Variants in FUT8 observed in about 807,000 individuals in gnomAD.
The protein encoded by FUT8 is alpha-(1,6)-fucosyltransferase.
A neutral mutation model predicts 71.3 loss-of-function variants in FUT8; 29 were observed. That is an observed-to-expected ratio of 0.41 (90% CI 0.30 to 0.55). FUT8 has a LOEUF of 0.55. Among genes scored for constraint, FUT8 ranks in the 20% least tolerant of loss-of-function variants. The pLI is 0.34. For missense variants in FUT8, 544 were observed against 702.1 expected (o/e 0.77, Z 2.55); for synonymous variants, 254 against 239.3 (o/e 1.06, Z -0.57).
chr14:65,474,283 A>G (rs2066195504), intron 2 of FUT8, among the ~76,000 whole-genome samples: 1 of 151,604 alleles, frequency 6.6e-6, no homozygotes, highest in Non-Finnish European at 1.5e-5. Context: ...TTGTACTCCA[A>G]AAGCTATTGA....
chr14:65,400,666 G>T, the FUT8 span, among the ~76,000 whole-genome samples: 1,418 of 152,248 alleles, frequency 9.3e-3, 21 homozygotes, highest in African/African-American at 0.033. Flanking sequence ...AGGGAGGATT[G>T]CTTGAGCCTA....
chr14:65,653,081 C>T (rs1322397497), intron 6 of FUT8, among the ~76,000 whole-genome samples: 1 of 152,082 alleles, frequency 6.6e-6, no homozygotes, highest in Non-Finnish European at 1.5e-5. Context: ...CCTCAGAAGT[C>T]ACATAGCATC....
At chr14:65,727,453 G>T (rs1295033360) in intron 9 of FUT8, among the ~76,000 whole-genome samples, 1 of 152,168 alleles carries the variant, frequency 6.6e-6, no homozygotes, top group African/African-American at 2.4e-5. Context: ...GCCAAGGCTT[G>T]GGGCTTCCAC....
At chr14:65,691,043 A>G (rs77949907) in intron 7 of FUT8, among the ~76,000 whole-genome samples, 1,912 of 151,238 alleles carry the variant, frequency 0.013, 33 homozygotes, top group Middle Eastern at 0.024. Context: ...ACTTTTGTAT[A>G]TCAACCTTGT....
At chr14:65,484,044 A>C (rs1362780685) in intron 2 of FUT8, among the ~76,000 whole-genome samples, 130 of 152,332 alleles carry the variant, frequency 8.5e-4, no homozygotes, top group Admixed American at 8.5e-3. Flanking sequence ...TACAATTTTT[A>C]ATTGTTCATT....
At chr14:65,409,285 T>C (rs2065100377), upstream of FUT8, among the ~76,000 whole-genome samples, 1 of 152,242 alleles carries the variant, frequency 6.6e-6, no homozygotes, top group South Asian at 2.1e-4. The surrounding 1 kb of genome is among the most constrained non-coding windows in gnomAD (Gnocchi z 5.4). Flanking sequence ...CTTCCATGGC[T>C]GACAGTCAGT....
chr14:65,471,182 G>T, intron 2 of FUT8: 1 of 222,304 alleles, frequency 4.5e-6, no homozygotes. Flanking sequence ...TCATCCCTCT[G>T]CCCTCTACCA....
At chr14:65,560,542 T>C (rs1885864281) in intron 2 of FUT8, among the ~76,000 whole-genome samples, 1 of 152,172 alleles carries the variant, frequency 6.6e-6, no homozygotes, top group African/African-American at 2.4e-5. Flanking sequence ...AAAATAGTTT[T>C]GTTTCCAAGG....
rs865899029 is a variant in FUT8 at position 65,472,292 on chromosome 14, G to A, written c.-228+16574G>A. Among the ~76,000 whole-genome samples, 9 of 152,156 alleles carry A rather than the reference G, an allele frequency of 5.9e-5. No homozygotes were observed. The highest frequency in any genetic ancestry group is 3.4e-3 in the Middle Eastern group (1 of 294). ...CTCTTTTTAACAACCAGCTCTTGGG[G>A]GAACAAATAGAGTGAGACCTCAAGC... On this transcript the variant is annotated intron_variant, in intron 2 of 10. Transcript: ENST00000673929. The surrounding 1 kb of genome is among the most constrained non-coding windows in gnomAD (Gnocchi z 4.4).
At chr14:65,401,105 A>C in the FUT8 span, among the ~76,000 whole-genome samples, 1 of 152,230 alleles carries the variant, frequency 6.6e-6, no homozygotes, top group Non-Finnish European at 1.5e-5. Flanking sequence ...ACTTGACTTC[A>C]TAAACAGAAC....
chr14:65,658,151 G>A (rs1461998181), intron 6 of FUT8, among the ~76,000 whole-genome samples: 3 of 151,976 alleles, frequency 2.0e-5, no homozygotes, highest in Non-Finnish European at 4.4e-5. Context: ...ATAGGCAAAA[G>A]TCTTGTACAG....
chr14:65,476,260 C>T (rs1265934726), intron 2 of FUT8, among the ~76,000 whole-genome samples: 1 of 152,152 alleles, frequency 6.6e-6, no homozygotes, highest in Admixed American at 6.5e-5. Flanking sequence ...ATTTTTTCAT[C>T]ATAGATCAGG....
At chr14:65,726,922 A>G (rs1285374801) in intron 9 of FUT8, among the ~76,000 whole-genome samples, 2 of 152,220 alleles carry the variant, frequency 1.3e-5, no homozygotes, top group Non-Finnish European at 2.9e-5. Context: ...AAATTGGCCA[A>G]AACAAAGGGG....
chr14:65,634,898 T>C (rs1890460471), intron 6 of FUT8, among the ~76,000 whole-genome samples: 1 of 152,172 alleles, frequency 6.6e-6, no homozygotes, highest in African/African-American at 2.4e-5. Context: ...GGGGATTGCA[T>C]TGAATTTGTA....
At chr14:65,360,383 T>C in the FUT8 span, among the ~76,000 whole-genome samples, 20 of 152,352 alleles carry the variant, frequency 1.3e-4, no homozygotes, top group East Asian at 2.1e-3. Flanking sequence ...TATACCATTA[T>C]GGAGTAAGAA....
At chr14:65,375,067 G>T in the FUT8 span, among the ~76,000 whole-genome samples, 5 of 152,114 alleles carry the variant, frequency 3.3e-5, no homozygotes, top group Non-Finnish European at 2.9e-5. Flanking sequence ...TAAACACAGG[G>T]GTGGGGTGGT....
chr14:65,401,743 C>A, the FUT8 span, among the ~76,000 whole-genome samples: 1 of 151,668 alleles, frequency 6.6e-6, no homozygotes, highest in African/African-American at 2.4e-5. Context: ...ACTAAAAATA[C>A]AAAAAAATTT....
At chr14:65,477,550 A>G (rs1193613736) in intron 2 of FUT8, among the ~76,000 whole-genome samples, 2 of 152,194 alleles carry the variant, frequency 1.3e-5, no homozygotes, top group Non-Finnish European at 2.9e-5. Context: ...GAGATTTCCT[A>G]TAGGATGACC....
chr14:65,694,852 A>C (rs1474181384), intron 7 of FUT8, among the ~76,000 whole-genome samples: 2 of 131,220 alleles, frequency 1.5e-5, no homozygotes, highest in African/African-American at 5.8e-5. Context: ...ATGAGAACAC[A>C]TGGACACAGG....
Sources: allele counts gnomAD v4.1 joint callset (sites outside exome capture counted in the v4.1 genomes callset), GRCh38; gene constraint gnomAD v4.1.1; non-coding constraint Gnocchi (gnomAD v3.1); transcripts MANE v1.5; gene names NCBI Gene and HGNC (gene_info 2026-07-23, HGNC 2026-07-21).